Variants in TLNRD1 observed in about 807,000 individuals in gnomAD.
TLNRD1 encodes talin rod domain-containing protein 1.
A neutral mutation model predicts 19.5 loss-of-function variants in TLNRD1; 14 were observed. The ratio of observed to expected loss-of-function variants is 0.72; its 90% CI spans 0.47 to 1.12. The LOEUF (loss-of-function observed/expected upper bound fraction) is 1.12. TLNRD1 is among the 50% of genes most tolerant of loss of function. The probability of loss-of-function intolerance (pLI) is 0.00; values close to 1 mark genes in which losing one functional copy is unlikely to be tolerated. For missense variants in TLNRD1, 569 were observed against 531.9 expected (o/e 1.07, Z -0.69); for synonymous variants, 345 against 261.7 (o/e 1.32, Z -3.07).
rs1297955924 is a variant in TLNRD1, at chr15:81,005,383, A to G, written c.*2023A>G. 2 of 167,102 alleles carry G rather than the reference A, an allele frequency of 1.2e-5. No individual in the cohort carries two copies. Among genetic ancestry groups the G allele is most frequent in the Non-Finnish European group, 2.9e-5 (2 of 68,124 alleles). The allele number at this position is 167,102 out of a possible 1,614,324, so 10.4% of individuals were successfully genotyped here. A position where few individuals can be genotyped will look rare whatever the true frequency, so the allele number is the denominator to read the frequency against. ...GTGACAATCCTGCATGCATATAGAA[A>G]TTTTTATTTATTGAATGTACACAAG... On this transcript the variant is annotated 3_prime_UTR_variant, in exon 1 of 1. Transcript: ENST00000267984.
At position 81,002,425 on chromosome 15, in the gene TLNRD1, C is replaced by T; in HGVS notation, c.154C>T (p.Leu52=). 2 of 1,555,938 alleles carry T rather than the reference C, an allele frequency of 1.3e-6. No individual in the cohort carries two copies. Among genetic ancestry groups the T allele is most frequent in the Non-Finnish European group, 1.7e-6 (2 of 1,158,040 alleles). The change falls in exon 1 of 1, where the codon CTG becomes TTG. Residue 52 remains leucine (L), a synonymous_variant. Coordinates refer to ENST00000267984, the MANE Select transcript of TLNRD1 (RefSeq NM_022566.3). ...GKMQLVADLL[L]LSSEARPVLF... is the part of the protein sequence containing the mutation. The stretch of plus-strand genomic sequence containing the variant: ...GATGCAGCTGGTGGCTGACCTGCTG[C>T]TGCTGTCGAGCGAGGCGCGGCCCGT...
chr15:81,002,131 C>T lies in TLNRD1; in HGVS notation c.-141C>T, dbSNP rs1314695387. On this transcript the variant is annotated 5_prime_UTR_variant, in exon 1 of 1. Coordinates refer to ENST00000267984, the MANE Select transcript of TLNRD1 (RefSeq NM_022566.3). ...GCAGCCCAGTGCCCTCTGCCCGCGGCGGTGGATGGCATGATGGTGCGGGGA... is the reference window on the plus strand; with the variant it reads ...GCAGCCCAGTGCCCTCTGCCCGCGGTGGTGGATGGCATGATGGTGCGGGGA... The T allele has an allele frequency of 2.0e-6, 2 of 975,758 alleles. No individual in the cohort carries two copies. Among genetic ancestry groups the T allele is most frequent in the Non-Finnish European group, 2.6e-6 (2 of 767,650 alleles). 60.4% of individuals were successfully genotyped at this position (975,758 alleles called of 1,614,324 possible). A position where few individuals can be genotyped will look rare whatever the true frequency, so the allele number is the denominator to read the frequency against.
At position 81,003,487 on chromosome 15, in the gene TLNRD1, A is replaced by G. The variant is rs1893451824; in HGVS notation, c.*127A>G. 2 of 1,108,898 alleles carry G rather than the reference A, an allele frequency of 1.8e-6. No homozygotes were observed. The highest frequency in any genetic ancestry group is 1.3e-6 in the Non-Finnish European group (1 of 788,794). 68.7% of individuals were successfully genotyped at this position (1,108,898 alleles called of 1,614,324 possible). On this transcript the variant is annotated 3_prime_UTR_variant, in exon 1 of 1. Transcript: ENST00000267984. ...TACCCTCCCCAACGTTAAATGCTCG[A>G]GAGGAATCTTCCACAAGGCAGGGCC...
Position 81,004,916 on chromosome 15 carries a change from C to G in TLNRD1, c.*1556C>G, listed in dbSNP as rs1893472306. 1 of 167,014 alleles carries G rather than the reference C, an allele frequency of 6.0e-6. No individual in the cohort carries two copies. The highest frequency in any genetic ancestry group is 2.4e-5 in the African/African-American group (1 of 41,414). 10.3% of individuals were successfully genotyped at this position (167,014 alleles called of 1,614,324 possible). On this transcript the variant is annotated 3_prime_UTR_variant, in exon 1 of 1. Coordinates refer to ENST00000267984, the MANE Select transcript of TLNRD1 (RefSeq NM_022566.3). ...AACTCGTACGTGGTTTAGATTTGTT[C>G]CATTTACATTTTTCTTGGGATTTGT...
rs1893399931 is a variant in TLNRD1, at chr15:81,001,090, GTT to G, written c.-1179_-1178del. On this transcript the variant is annotated 5_prime_UTR_variant, in exon 1 of 1. Coordinates refer to ENST00000267984, the MANE Select transcript of TLNRD1 (RefSeq NM_022566.3). The stretch of plus-strand genomic sequence containing the variant: ...AGCCGCGCGCGGAGAGGAAGCGGGT[GTT>G]TTCCCCTCTGCCTTTCGGCCCCCGC... The G allele has an allele frequency of 2.6e-5, 4 of 152,590 alleles. No individual in the cohort carries two copies. The highest frequency in any genetic ancestry group is 7.2e-5 in the African/African-American group (3 of 41,552). 9.5% of individuals were successfully genotyped at this position (152,590 alleles called of 1,614,324 possible).
At position 81,003,518 on chromosome 15, in the gene TLNRD1, C is replaced by T. The variant is rs942212287; in HGVS notation, c.*158C>T. 1.2e-5 allele frequency: 10 copies of T among 827,176 alleles called. No homozygotes were observed. The highest frequency in any genetic ancestry group is 3.5e-5 in the African/African-American group (2 of 57,662). 51.2% of individuals were successfully genotyped at this position (827,176 alleles called of 1,614,324 possible). On this transcript the variant is annotated 3_prime_UTR_variant, in exon 1 of 1. Coordinates refer to ENST00000267984, the MANE Select transcript of TLNRD1 (RefSeq NM_022566.3). ...ATCTTCCACAAGGCAGGGCCATGCA[C>T]GCAACCTGCACACGCACTTGGAGGG... is the stretch of plus-strand genomic sequence containing the variant.
At position 81,002,065 on chromosome 15, in the gene TLNRD1, C is replaced by G. The variant is rs1272558586; in HGVS notation, c.-207C>G. 7 of 390,630 alleles carry G rather than the reference C, an allele frequency of 1.8e-5. No individual in the cohort carries two copies. Among genetic ancestry groups the G allele is most frequent in the Non-Finnish European group, 2.9e-5 (7 of 241,016 alleles). The allele number at this position is 390,630 out of a possible 1,614,324, so 24.2% of individuals were successfully genotyped here. On this transcript the variant is annotated 5_prime_UTR_variant, in exon 1 of 1. Coordinates refer to ENST00000267984, the MANE Select transcript of TLNRD1 (RefSeq NM_022566.3). ...CCCCGAAGAGCCTTCCGCGTTCTCTCGCCCTCGGGCCCACCCCGCGCCGCC... is the reference window on the plus strand; with the variant it reads ...CCCCGAAGAGCCTTCCGCGTTCTCTGGCCCTCGGGCCCACCCCGCGCCGCC...
Position 81,003,246 on chromosome 15 carries a change from G to A in TLNRD1, c.975G>A (p.Arg325=). Residue 325 remains arginine, a synonymous_variant, in exon 1 of 1, where the codon AGG becomes AGA. Coordinates refer to ENST00000267984, the MANE Select transcript of TLNRD1 (RefSeq NM_022566.3). ...CCAAGATGTCGGACCACAGGGAGAGGCTGAGGAACTCGGCCTGCGCCGTGT... is the reference window on the plus strand; with the variant it reads ...CCAAGATGTCGGACCACAGGGAGAGACTGAGGAACTCGGCCTGCGCCGTGT... ...GGAKMSDHRE[R]LRNSACAVSE... The A allele has an allele frequency of 6.2e-7, 1 of 1,607,744 alleles. No individual in the cohort carries two copies. The highest frequency in any genetic ancestry group is 1.1e-5 in the South Asian group (1 of 89,660).
chr15:81,002,358 G>A lies in TLNRD1; in HGVS notation c.87G>A (p.Pro29=), dbSNP rs746481339. 2.8e-6 allele frequency: 4 copies of A among 1,434,784 alleles called. No individual in the cohort carries two copies. The South Asian group carries it at 5.6e-5, about 20-fold the overall frequency. The allele number at this position is 1,434,784 out of a possible 1,614,324, so 88.9% of individuals were successfully genotyped here. The change falls in exon 1 of 1, where the codon CCG becomes CCA. Residue 29 remains proline (P), a synonymous_variant. Transcript: ENST00000267984. ...CCATCGGCGGGGCCAGCTCGCAGCC[G>A]CGGAAGAGGCTGGTATCCGTCTGCG... ...ASAIGGASSQ[P]RKRLVSVCDH... is the part of the protein sequence containing the mutation.
In TLNRD1 at chr15:81,003,449, A is replaced by C; in HGVS notation, c.*89A>C. 7.3e-7 allele frequency: 1 copy of C among 1,372,880 alleles called. No individual in the cohort carries two copies. Among genetic ancestry groups the C allele is most frequent in the Non-Finnish European group, 9.8e-7 (1 of 1,020,986 alleles). The allele number at this position is 1,372,880 out of a possible 1,614,324, so 85.0% of individuals were successfully genotyped here. On this transcript the variant is annotated 3_prime_UTR_variant, in exon 1 of 1. Transcript: ENST00000267984. ...TCTCCATTTATACCAAAGAAATCAT[A>C]GGTGAAACCCCCTACCCTCCCCAAC...
At position 81,002,432 on chromosome 15, in the gene TLNRD1, C is replaced by A; in HGVS notation, c.161C>A (p.Ser54Ter). 1 of 1,553,948 alleles carries A rather than the reference C, an allele frequency of 6.4e-7. No homozygotes were observed. Among genetic ancestry groups the A allele is most frequent in the Non-Finnish European group, 8.6e-7 (1 of 1,157,276 alleles). Residue 54 changes from serine to a stop codon, truncating the protein, a stop_gained, in exon 1 of 1, where the codon TCG becomes TAG. Transcript: ENST00000267984. LOFTEE classifies it high-confidence loss of function. Reference sequence around the variant, plus strand: ...CTGGTGGCTGACCTGCTGCTGCTGTCGAGCGAGGCGCGGCCCGTGCTCTTC... The same window carrying A: ...CTGGTGGCTGACCTGCTGCTGCTGTAGAGCGAGGCGCGGCCCGTGCTCTTC... ...MQLVADLLLL[S>*]SEARPVLFEG...
In TLNRD1 at chr15:81,001,122, C is replaced by T. The variant is rs903342969; in HGVS notation, c.-1150C>T. On this transcript the variant is annotated 5_prime_UTR_variant, in exon 1 of 1. Transcript: ENST00000267984. ...CCTCTGCCTTTCGGCCCCCGCCCTT[C>T]CTTTCAGTTTCTGCCCGCTCGCTCG... 6.6e-6 allele frequency: 1 copy of T among 152,350 alleles called. No individual in the cohort carries two copies. The highest frequency in any genetic ancestry group is 1.5e-5 in the Non-Finnish European group (1 of 68,172). The allele number at this position is 152,350 out of a possible 1,614,324, so 9.4% of individuals were successfully genotyped here. A position where few individuals can be genotyped will look rare whatever the true frequency, so the allele number is the denominator to read the frequency against.
chr15:81,002,185 G>T lies in TLNRD1; in HGVS notation c.-87G>T. 3.3e-6 allele frequency: 4 copies of T among 1,199,104 alleles called. No individual in the cohort carries two copies. In the South Asian group the frequency reaches 1.7e-4, roughly 51 times the overall value. The allele number at this position is 1,199,104 out of a possible 1,614,324, so 74.3% of individuals were successfully genotyped here. On this transcript the variant is annotated 5_prime_UTR_variant, in exon 1 of 1. Coordinates refer to ENST00000267984, the MANE Select transcript of TLNRD1 (RefSeq NM_022566.3). ...CACCGCGGCCTTGGCCAGCTGAGTC[G>T]CGACGGCCGCCGGGGCGGCGGCAGT...
In TLNRD1 at chr15:81,002,364, G is replaced by C; in HGVS notation, c.93G>C (p.Lys31Asn). ...GCGGGGCCAGCTCGCAGCCGCGGAAGAGGCTGGTATCCGTCTGCGACCACT... is the reference window on the plus strand; with the variant it reads ...GCGGGGCCAGCTCGCAGCCGCGGAACAGGCTGGTATCCGTCTGCGACCACT... ...AIGGASSQPR[K>N]RLVSVCDHCK... is the part of the protein sequence containing the mutation. The change falls in exon 1 of 1, where the codon AAG becomes AAC. Residue 31 changes from lysine (K) to asparagine (N), a missense_variant. Transcript: ENST00000267984. 1 of 1,466,818 alleles carries C rather than the reference G, an allele frequency of 6.8e-7. No individual in the cohort carries two copies. The highest frequency in any genetic ancestry group is 9.0e-7 in the Non-Finnish European group (1 of 1,107,802). The allele number at this position is 1,466,818 out of a possible 1,614,324, so 90.9% of individuals were successfully genotyped here.
rs1287354565 is a variant in TLNRD1 at position 81,002,690 on chromosome 15, C to T, written c.419C>T (p.Ala140Val). Residue 140 changes from alanine (A) to valine (V), a missense_variant, in exon 1 of 1, where the codon GCC (alanine) becomes GTC (valine). Ala to Val is a moderately conservative substitution (Grantham distance 64). Transcript: ENST00000267984. ...CTGGCCGCTGTGGCCACGCCGGGCGCCCAGCCCGCGCAGCCGGGCCTGGTG... is the reference window on the plus strand; with the variant it reads ...CTGGCCGCTGTGGCCACGCCGGGCGTCCAGCCCGCGCAGCCGGGCCTGGTG... ...AYLAAVATPG[A>V]QPAQPGLVDR... 6.8e-7 allele frequency: 1 copy of T among 1,476,740 alleles called. No homozygotes were observed. The highest frequency in any genetic ancestry group is 8.9e-7 in the Non-Finnish European group (1 of 1,125,274). 91.5% of individuals were successfully genotyped at this position (1,476,740 alleles called of 1,614,324 possible). A position where few individuals can be genotyped will look rare whatever the true frequency, so the allele number is the denominator to read the frequency against.
At position 81,003,994 on chromosome 15, in the gene TLNRD1, T is replaced by C. The variant is rs1385299211; in HGVS notation, c.*634T>C. 6.0e-6 allele frequency: 1 copy of C among 167,000 alleles called. No individual in the cohort carries two copies. The highest frequency in any genetic ancestry group is 1.5e-5 in the Non-Finnish European group (1 of 68,124). 10.3% of individuals were successfully genotyped at this position (167,000 alleles called of 1,614,324 possible). ...ATTTATTTCATCTATTAAAATGTTATGTTTCTCAGATGGCTTTTTGCAATT... is the reference window on the plus strand; with the variant it reads ...ATTTATTTCATCTATTAAAATGTTACGTTTCTCAGATGGCTTTTTGCAATT... On this transcript the variant is annotated 3_prime_UTR_variant, in exon 1 of 1. Transcript: ENST00000267984.
chr15:81,003,122 T>C lies in TLNRD1; in HGVS notation c.851T>C (p.Val284Ala). The C allele has an allele frequency of 6.4e-7, 1 of 1,561,188 alleles. No individual in the cohort carries two copies. Among genetic ancestry groups the C allele is most frequent in the Non-Finnish European group, 8.7e-7 (1 of 1,154,706 alleles). Residue 284 changes from valine (V) to alanine (A), a missense_variant, in exon 1 of 1, where the codon GTG (valine) becomes GCG (alanine). Transcript: ENST00000267984. ...GCTGTGAGCGCCGAGGGCAAGGCGG[T>C]GCAGACCGCCATCCTGGGCGGCGCC... The part of the protein sequence containing the change: ...AAAVSAEGKA[V>A]QTAILGGAMS...
chr15:81,001,047 G>A lies in TLNRD1; in HGVS notation c.-1225G>A, dbSNP rs1286487062. The A allele has an allele frequency of 6.5e-6, 1 of 152,952 alleles. No individual in the cohort carries two copies. Among genetic ancestry groups the A allele is most frequent in the African/African-American group, 2.4e-5 (1 of 41,434 alleles). 9.5% of individuals were successfully genotyped at this position (152,952 alleles called of 1,614,324 possible). ...CCCCTGCGGGCGGCGGCGCAGCCAC[G>A]GCCGCGCTCCGAGGTGAAGCCGCGC... On this transcript the variant is annotated 5_prime_UTR_variant, in exon 1 of 1. Transcript: ENST00000267984.
In TLNRD1 at chr15:81,003,504, G is replaced by C; in HGVS notation, c.*144G>C. 1.0e-6 allele frequency: 1 copy of C among 998,946 alleles called. No individual in the cohort carries two copies. Among genetic ancestry groups the C allele is most frequent in the Non-Finnish European group, 1.4e-6 (1 of 690,320 alleles). 61.9% of individuals were successfully genotyped at this position (998,946 alleles called of 1,614,324 possible). On this transcript the variant is annotated 3_prime_UTR_variant, in exon 1 of 1. Coordinates refer to ENST00000267984, the MANE Select transcript of TLNRD1 (RefSeq NM_022566.3). ...AATGCTCGAGAGGAATCTTCCACAA[G>C]GCAGGGCCATGCACGCAACCTGCAC...
Sources: allele counts gnomAD v4.1 joint callset, GRCh38; gene constraint gnomAD v4.1.1; transcripts MANE v1.5; gene names NCBI Gene and HGNC (gene_info 2026-07-23, HGNC 2026-07-21).